Variants in ZDHHC11B observed in about 807,000 individuals in gnomAD.
ZDHHC11B encodes probable palmitoyltransferase ZDHHC11B.
A neutral mutation model predicts 42.3 loss-of-function variants in ZDHHC11B; 17 were observed. That is an observed-to-expected ratio of 0.40 (90% CI 0.27 to 0.60). The LOEUF is 0.60. Ranked by LOEUF, ZDHHC11B falls within the 20% of genes least tolerant of loss-of-function variation. ZDHHC11B has a pLI of 0.41. For missense variants in ZDHHC11B, 262 were observed against 463.2 expected (o/e 0.57, Z 3.99); for synonymous variants, 123 against 193.5 (o/e 0.64, Z 3.02).
chr5:778,039 C>T (rs1294784527), intron 1 of ZDHHC11B, among the ~76,000 whole-genome samples: 14 of 152,002 alleles, frequency 9.2e-5, no homozygotes, highest in Middle Eastern at 3.4e-3. Flanking sequence ...GGGGACCCGG[C>T]GCACCTCCGC....
At chr5:716,778 A>C in intron 13 of ZDHHC11B, 23 bp downstream of exon 13, 1 of 1,612,778 alleles carries the variant, frequency 6.2e-7, no homozygotes, top group Non-Finnish European at 8.5e-7. Flanking sequence ...TTTCAACATG[A>C]CCTGCACTGC....
intron 1 of ZDHHC11B, among the ~76,000 whole-genome samples, chr5:777,485 G>C (rs903620562): frequency 6.6e-6 from 1 of 151,792 alleles, no homozygotes; most frequent in African/African-American, 2.4e-5. Flanking sequence ...AGACTGAGCG[G>C]CAAGATTTAT....
intron 1 of ZDHHC11B, among the ~76,000 whole-genome samples, chr5:783,732 ACC>A (rs1737032951): frequency 1.8e-5 from 2 of 110,764 alleles, no homozygotes; most frequent in Non-Finnish European, 3.5e-5. Flanking sequence ...GCAGCCCCCA[ACC>A]CCCATCAAAA....
rs1379614464 is a variant in ZDHHC11B, at chr5:752,999, G to A, written c.504-1742C>T. Among the ~76,000 whole-genome samples, 137 of 46,150 alleles carry A rather than the reference G, an allele frequency of 3.0e-3. 10 individuals carry two copies. The highest frequency in any genetic ancestry group is 0.021 in the African/African-American group (132 of 6,408). 30.3% of individuals were successfully genotyped at this position (46,150 alleles called of 152,430 possible). On this transcript the variant is annotated intron_variant, in intron 6 of 13. Transcript: ENST00000508859. ...CATTCACGCGGGGCCTCCTCTCCCC[G>A]CAGCCACCCAGGGACATTCTCCTCT...
At chr5:743,330 T>C (rs1292075202) in intron 9 of ZDHHC11B, among the ~76,000 whole-genome samples, 1 of 149,296 alleles carries the variant, frequency 6.7e-6, no homozygotes, top group Non-Finnish European at 1.5e-5. Flanking sequence ...ATTTAAAGTC[T>C]GGTTGTGTAA....
Position 737,253 on chromosome 5 carries a change from A to T in ZDHHC11B, c.936-3414T>A, listed in dbSNP as rs556574886. ...TCCTGGAAATATACAACCCAACTAG[A>T]TTAAATCAGGAAGAAATAGAAACTC... On this transcript the variant is annotated intron_variant, in intron 10 of 13. Coordinates refer to ENST00000508859, the MANE Select transcript of ZDHHC11B (RefSeq NM_001351303.2). Among the ~76,000 whole-genome samples the T allele has an allele frequency of 7.4e-5, 11 of 148,092 alleles. 1 individual carries two copies. In the South Asian group the frequency reaches 2.2e-3, roughly 30 times the overall value.
rs3882431 is a variant in ZDHHC11B, at chr5:714,938, T to C, written c.*7+1863A>G. Among the ~76,000 whole-genome samples the C allele has an allele frequency of 2.0e-3, 308 of 151,046 alleles. 4 individuals carry two copies. In the East Asian group the frequency reaches 0.024, roughly 12 times the overall value. On this transcript the variant is annotated intron_variant, in intron 13 of 13. Coordinates refer to ENST00000508859, the MANE Select transcript of ZDHHC11B (RefSeq NM_001351303.2). ...TAACCAACCCATGAGACCTTGTTGT[T>C]GAAAAGGGCCTGGAGCCTCCCCCAG...
At chr5:759,571 C>G (rs1301826328) in intron 4 of ZDHHC11B, among the ~76,000 whole-genome samples, 2 of 151,990 alleles carry the variant, frequency 1.3e-5, no homozygotes, top group African/African-American at 2.4e-5. Context: ...ACACAACAGG[C>G]CCTACAGACG....
At chr5:742,148 T>C (rs1181418537) in intron 9 of ZDHHC11B, among the ~76,000 whole-genome samples, 1 of 127,674 alleles carries the variant, frequency 7.8e-6, no homozygotes, top group African/African-American at 2.8e-5. Context: ...TTGCCCATTT[T>C]TTATATGTAT....
intron 1 of ZDHHC11B, among the ~76,000 whole-genome samples, chr5:776,276 G>A (rs1185127774): frequency 6.6e-6 from 1 of 151,864 alleles, no homozygotes; most frequent in Non-Finnish European, 1.5e-5. Context: ...ACCCTCCAAT[G>A]TCCCACGGCC....
At position 767,454 on chromosome 5, in the gene ZDHHC11B, C is replaced by A. The variant is rs1372971504; in HGVS notation, c.-63G>T. 1 of 1,576,366 alleles carries A rather than the reference C, an allele frequency of 6.3e-7. No homozygotes were observed. Among genetic ancestry groups the A allele is most frequent in the Admixed American group, 1.7e-5 (1 of 59,262 alleles). ...CTGAGTAGAGCAGCTCCAACTCGTC[C>A]GACTTCAAGTCGCCAAATGCTGAAT... On this transcript the variant is annotated 5_prime_UTR_variant, in exon 3 of 14. Coordinates refer to ENST00000508859, the MANE Select transcript of ZDHHC11B (RefSeq NM_001351303.2).
chr5:720,217 C>G (rs1742081711), intron 12 of ZDHHC11B, among the ~76,000 whole-genome samples: 1 of 151,830 alleles, frequency 6.6e-6, no homozygotes, highest in Non-Finnish European at 1.5e-5. Flanking sequence ...TACGCTAAGA[C>G]ACATTACAGT....
intron 12 of ZDHHC11B, among the ~76,000 whole-genome samples, chr5:723,054 A>G (rs1184004197): frequency 6.6e-6 from 1 of 151,120 alleles, no homozygotes; most frequent in Non-Finnish European, 1.5e-5. Context: ...GAAGAGCATG[A>G]GCGGGGTGCA....
intron 1 of ZDHHC11B, among the ~76,000 whole-genome samples, chr5:778,827 G>T (rs1292699021): frequency 6.6e-6 from 1 of 151,884 alleles, no homozygotes; most frequent in South Asian, 2.1e-4. Context: ...GGCTGAATTC[G>T]TCCCCTCCAA....
intron 13 of ZDHHC11B, among the ~76,000 whole-genome samples, chr5:714,695 C>A: frequency 8.0e-6 from 1 of 124,988 alleles, no homozygotes; most frequent in African/African-American, 2.8e-5. Flanking sequence ...CACACTGAGC[C>A]ATCTTGTTTC....
chr5:724,371 A>AT (rs386402805), intron 12 of ZDHHC11B, among the ~76,000 whole-genome samples: 28,897 of 81,176 alleles, frequency 0.36, 4,178 homozygotes, highest in East Asian at 0.64. Flanking sequence ...AACCCAGCTA[A>AT]TTTTTTTTTT....
chr5:716,643 C>T (rs1194469610), intron 13 of ZDHHC11B, among the ~76,000 whole-genome samples, 158 bp downstream of exon 13: 9 of 151,900 alleles, frequency 5.9e-5, no homozygotes, highest in African/African-American at 2.2e-4. Context: ...GATGGACACA[C>T]GGTTCCTGTT....
intron 9 of ZDHHC11B, 133 bp downstream of exon 9, chr5:745,050 G>GACAC (rs1347316445): frequency 1.0e-6 from 1 of 954,346 alleles, no homozygotes. Context: ...CTCACACACA[G>GACAC]ACACACACAC....
At position 741,825 on chromosome 5, in the gene ZDHHC11B, G is replaced by A. The variant is rs536222918; in HGVS notation, c.901-197C>T. 8.4e-5 allele frequency among the ~76,000 whole-genome samples: 12 copies of A among 142,696 alleles called. No individual in the cohort carries two copies. The East Asian group carries it at 2.7e-3, about 33-fold the overall frequency. 93.6% of individuals were successfully genotyped at this position (142,696 alleles called of 152,430 possible). On this transcript the variant is annotated intron_variant, in intron 9 of 13. Coordinates refer to ENST00000508859, the MANE Select transcript of ZDHHC11B (RefSeq NM_001351303.2). ...TCTCTCTGGTGAGAAACTGGGAGTG[G>A]GATTCTGGTCATATATTAGACATTT...
Sources: allele counts gnomAD v4.1 joint callset (sites outside exome capture counted in the v4.1 genomes callset), GRCh38; gene constraint gnomAD v4.1.1; transcripts MANE v1.5; gene names NCBI Gene and HGNC (gene_info 2026-07-23, HGNC 2026-07-21).